VRK1: variants seen among roughly 807,000 people sequenced by gnomAD.
The protein encoded by VRK1 is VRK serine/threonine kinase 1.
Under a neutral mutation model 57.1 loss-of-function variants are expected in VRK1, and 33 were observed. The observed-to-expected ratio is 0.58, with a 90% CI of 0.44 to 0.77. VRK1 has a LOEUF of 0.77. Among genes scored for constraint, VRK1 ranks in the 30% least tolerant of loss-of-function variants. The pLI, the probability that VRK1 is intolerant of heterozygous loss-of-function variation, is 0.00. For missense variants in VRK1, 413 were observed against 477.3 expected (o/e 0.87, Z 1.25); for synonymous variants, 137 against 147.8 (o/e 0.93, Z 0.53).
At chr14:96,874,540 T>C in intron 11 of VRK1, among the ~76,000 whole-genome samples, 1 of 152,208 alleles carries the variant, frequency 6.6e-6, no homozygotes, top group East Asian at 1.9e-4. Context: ...TTATAGCCAC[T>C]CTTACAGCTA....
At chr14:96,846,795 T>A (rs1887714158) in intron 4 of VRK1, among the ~76,000 whole-genome samples, 1 of 151,974 alleles carries the variant, frequency 6.6e-6, no homozygotes, top group South Asian at 2.1e-4. Flanking sequence ...AGTATAACTA[T>A]TGACATAGCA....
intron 1 of VRK1, among the ~76,000 whole-genome samples, chr14:96,812,241 A>T (rs1886233731): frequency 6.6e-6 from 1 of 152,158 alleles, no homozygotes; most frequent in African/African-American, 2.4e-5. Context: ...GCTGCTATGG[A>T]CATTTATGTA....
chr14:96,833,747 A>T lies in VRK1; in HGVS notation c.160+116A>T. ...TTCCTAATAATCTGCAGTCAACTTAATAGTTTCTGATTAAGCAAAAATGCA... is the reference window on the plus strand; with the variant it reads ...TTCCTAATAATCTGCAGTCAACTTATTAGTTTCTGATTAAGCAAAAATGCA... On this transcript the variant is annotated intron_variant, in intron 2 of 12. Transcript: ENST00000216639. 1.1e-5 allele frequency: 16 copies of T among 1,472,872 alleles called. No homozygotes were observed. The South Asian group carries it at 1.8e-4, about 16-fold the overall frequency. 91.2% of individuals were successfully genotyped at this position (1,472,872 alleles called of 1,614,324 possible). A position where few individuals can be genotyped will look rare whatever the true frequency, so the allele number is the denominator to read the frequency against.
intron 7 of VRK1, among the ~76,000 whole-genome samples, 192 bp downstream of exon 7, chr14:96,853,358 G>A (rs972288894): frequency 6.6e-6 from 1 of 152,056 alleles, no homozygotes; most frequent in African/African-American, 2.4e-5. Context: ...TTATCAAGTT[G>A]GCTATTTTGC....
intron 11 of VRK1, among the ~76,000 whole-genome samples, chr14:96,868,590 G>T (rs1226225075): frequency 1.3e-5 from 2 of 152,002 alleles, no homozygotes; most frequent in Non-Finnish European, 2.9e-5. Flanking sequence ...ACTATTTTTT[G>T]ATCTCTGTAT....
chr14:96,843,922 T>C (rs1566702691), intron 3 of VRK1, among the ~76,000 whole-genome samples: 1 of 152,184 alleles, frequency 6.6e-6, no homozygotes, highest in Admixed American at 6.5e-5. Flanking sequence ...TTTATATGGT[T>C]GATTCTCATT....
At chr14:96,830,169 A>G (rs375636449) in intron 1 of VRK1, among the ~76,000 whole-genome samples, 1 of 152,158 alleles carries the variant, frequency 6.6e-6, no homozygotes, top group Non-Finnish European at 1.5e-5. Flanking sequence ...TAACTAAATT[A>G]TATCTTGGTG....
intron 1 of VRK1, among the ~76,000 whole-genome samples, chr14:96,824,370 A>G (rs942468903): frequency 3.3e-5 from 5 of 152,214 alleles, no homozygotes; most frequent in Non-Finnish European, 2.9e-5. Flanking sequence ...TTTTGAAAGC[A>G]AAAGGAAGAG....
chr14:96,803,354 A>G (rs1885742778), intron 1 of VRK1, among the ~76,000 whole-genome samples: 1 of 152,004 alleles, frequency 6.6e-6, no homozygotes, highest in African/African-American at 2.4e-5. Context: ...CATTTTAAGT[A>G]GAGACAGGGT....
intron 1 of VRK1, among the ~76,000 whole-genome samples, chr14:96,805,383 G>A (rs1293261605): frequency 6.6e-6 from 1 of 152,180 alleles, no homozygotes; most frequent in Non-Finnish European, 1.5e-5. Context: ...TAGTCAGGGG[G>A]ATGTGAAAGA....
At chr14:96,800,896 G>A (rs1885633217) in intron 1 of VRK1, among the ~76,000 whole-genome samples, 2 of 151,698 alleles carry the variant, frequency 1.3e-5, no homozygotes, top group South Asian at 4.2e-4. Context: ...TTGAGATTTG[G>A]GAATGGTCTG....
At chr14:96,872,910 G>A (rs909918242) in intron 11 of VRK1, among the ~76,000 whole-genome samples, 1 of 152,094 alleles carries the variant, frequency 6.6e-6, no homozygotes, top group African/African-American at 2.4e-5. Context: ...TTAGTCACAT[G>A]GACTGATTAG....
intron 5 of VRK1, among the ~76,000 whole-genome samples, chr14:96,848,606 A>G (rs1184941477): frequency 6.6e-6 from 1 of 152,170 alleles, no homozygotes; most frequent in East Asian, 1.9e-4. Context: ...AGCAAAATAT[A>G]TTATAGTTTT....
chr14:96,839,286 G>A (rs923318299), intron 3 of VRK1, among the ~76,000 whole-genome samples: 2 of 151,840 alleles, frequency 1.3e-5, no homozygotes, highest in African/African-American at 2.4e-5. Context: ...CCAGTTTTTG[G>A]TATTATGAAT....
chr14:96,845,950 G>A, intron 3 of VRK1, 145 bp from the exon 4 acceptor site: 1 of 724,076 alleles, frequency 1.4e-6, no homozygotes, highest in South Asian at 1.7e-5. Flanking sequence ...TAAGGAGTTT[G>A]ACTTAATCTT....
At chr14:96,815,523 A>G (rs1037829329) in intron 1 of VRK1, among the ~76,000 whole-genome samples, 1 of 152,098 alleles carries the variant, frequency 6.6e-6, no homozygotes, top group Non-Finnish European at 1.5e-5. Context: ...CATTTTTAAA[A>G]CTTAAAGAGG....
chr14:96,805,397 C>T lies in VRK1; in HGVS notation c.-6+7950C>T, dbSNP rs993320914. Among the ~76,000 whole-genome samples, 21 of 152,244 alleles carry T rather than the reference C, an allele frequency of 1.4e-4. 1 individual carries two copies. The highest frequency in any genetic ancestry group is 5.1e-4 in the African/African-American group (21 of 41,542). ...GTAGTCAGGGGGATGTGAAAGATAACAGATCTATGTTTTTGCCCTCGAGTC... is the reference window on the plus strand; with the variant it reads ...GTAGTCAGGGGGATGTGAAAGATAATAGATCTATGTTTTTGCCCTCGAGTC... On this transcript the variant is annotated intron_variant, in intron 1 of 12. Transcript: ENST00000216639.
At chr14:96,860,272 A>G (rs1486509234) in intron 10 of VRK1, among the ~76,000 whole-genome samples, 1 of 152,060 alleles carries the variant, frequency 6.6e-6, no homozygotes, top group Non-Finnish European at 1.5e-5. Flanking sequence ...TATAACTTTA[A>G]TACTATAATA....
chr14:96,857,016 A>G (rs367594170), intron 10 of VRK1, among the ~76,000 whole-genome samples: 1 of 152,210 alleles, frequency 6.6e-6, no homozygotes, highest in Non-Finnish European at 1.5e-5. Context: ...CTTGAGCCTC[A>G]TTCAATTATT....
Sources: allele counts gnomAD v4.1 joint callset (sites outside exome capture counted in the v4.1 genomes callset), GRCh38; gene constraint gnomAD v4.1.1; transcripts MANE v1.5; gene names NCBI Gene and HGNC (gene_info 2026-07-23, HGNC 2026-07-21).